Variants in PAPPA2 observed in about 807,000 individuals in gnomAD.
The protein encoded by PAPPA2 is pappalysin-2.
PAPPA2 carries 86 observed loss-of-function variants against 176.4 expected under a neutral mutation model. The observed-to-expected ratio is 0.49, with a 90% CI of 0.41 to 0.58. The LOEUF (loss-of-function observed/expected upper bound fraction) is 0.58. Ranked by LOEUF, PAPPA2 falls within the 20% of genes least tolerant of loss-of-function variation. PAPPA2 has a pLI of 0.00. For missense variants in PAPPA2, 2,073 were observed against 2,256.9 expected (o/e 0.92, Z 1.65); for synonymous variants, 809 against 852.2 (o/e 0.95, Z 0.88).
At position 176,755,733 on chromosome 1, in the gene PAPPA2, T is replaced by G. The variant is rs187977504; in HGVS notation, c.4152-9933T>G. Reference sequence around the variant, plus strand: ...AGTTGACGCTTGAACAGCACATGGATTAGGGGCACTGACCTCTGTACAGTC... The same window carrying G: ...AGTTGACGCTTGAACAGCACATGGAGTAGGGGCACTGACCTCTGTACAGTC... On this transcript the variant is annotated intron_variant, in intron 14 of 22. Transcript: ENST00000367662. Among the ~76,000 whole-genome samples, 4 of 152,186 alleles carry G rather than the reference T, an allele frequency of 2.6e-5. No homozygotes were observed. In the East Asian group the frequency reaches 7.8e-4, roughly 29 times the overall value.
chr1:176,596,828 G>T (rs1408834123), intron 3 of PAPPA2, among the ~76,000 whole-genome samples: 3 of 152,186 alleles, frequency 2.0e-5, no homozygotes, highest in African/African-American at 7.2e-5. Context: ...ACATAATAGA[G>T]GAGGGTAAGA....
At chr1:176,718,455 A>G (rs1297129487) in intron 12 of PAPPA2, among the ~76,000 whole-genome samples, 1 of 151,856 alleles carries the variant, frequency 6.6e-6, no homozygotes, top group African/African-American at 2.4e-5. Flanking sequence ...TTCTTTTTCT[A>G]GTAACTTGAG....
At chr1:176,537,031 T>C (rs1650100494) in intron 1 of PAPPA2, among the ~76,000 whole-genome samples, 1 of 152,224 alleles carries the variant, frequency 6.6e-6, no homozygotes, top group Admixed American at 6.5e-5. Flanking sequence ...ACCTTAGTTA[T>C]TTAATTCCAG....
intron 21 of PAPPA2, among the ~76,000 whole-genome samples, chr1:176,822,449 G>T (rs1317484852): frequency 6.6e-6 from 1 of 152,106 alleles, no homozygotes; most frequent in Non-Finnish European, 1.5e-5. Context: ...TAGTGATTTT[G>T]GCACCTCAAC....
intron 1 of PAPPA2, among the ~76,000 whole-genome samples, chr1:176,525,067 A>G (rs1409790330): frequency 6.6e-6 from 1 of 152,130 alleles, no homozygotes; most frequent in Non-Finnish European, 1.5e-5. Context: ...CAGCCTTAAA[A>G]TTTTAGGAGC....
At chr1:176,718,499 G>A (rs1661472155) in intron 12 of PAPPA2, among the ~76,000 whole-genome samples, 1 of 151,008 alleles carries the variant, frequency 6.6e-6, no homozygotes, top group South Asian at 2.1e-4. Context: ...TGTCCTCTCT[G>A]TTTTTAAATT....
intron 6 of PAPPA2, among the ~76,000 whole-genome samples, chr1:176,693,411 T>G (rs962473090): frequency 6.6e-5 from 10 of 152,200 alleles, no homozygotes; most frequent in Admixed American, 5.2e-4. Flanking sequence ...ATAAGGAACA[T>G]AGAATGGATG....
Position 176,800,121 on chromosome 1 carries a change from C to T in PAPPA2, c.5191C>T (p.Gln1731Ter). The change falls in exon 21 of 23, where the codon CAG becomes TAG. Residue 1731 changes from glutamine to a stop codon, truncating the protein, a stop_gained. Coordinates refer to ENST00000367662, the MANE Select transcript of PAPPA2 (RefSeq NM_020318.3). LOFTEE classifies it high-confidence loss of function. ...HPDPVLVHCI[Q>*]SCEPFQADGW... ...AGACCCCGTCTTAGTCCACTGCATC[C>T]AGTCATGTGAGGTAAGATAGCCTCC... 1 of 1,614,036 alleles carries T rather than the reference C, an allele frequency of 6.2e-7. No homozygotes were observed.
chr1:176,769,740 T>C lies in PAPPA2; in HGVS notation c.4457T>C (p.Leu1486Pro). ...NFSCSEGTKF[L>P]KRCSISCVPP... ...TCCTGCTCAGAGGGAACCAAATTTC[T>C]GAAACGCTGCTCAATCTCTTGTGTC... The change falls in exon 16 of 23, where the codon CTG (leucine) becomes CCG (proline). Residue 1486 changes from leucine (L) to proline (P), a missense_variant. Physicochemically the swap from Leu to Pro is moderately conservative, Grantham distance 98. Coordinates refer to ENST00000367662, the MANE Select transcript of PAPPA2 (RefSeq NM_020318.3). The C allele has an allele frequency of 6.2e-7, 1 of 1,612,972 alleles. No homozygotes were observed. The highest frequency in any genetic ancestry group is 8.5e-7 in the Non-Finnish European group (1 of 1,179,716).
intron 7 of PAPPA2, among the ~76,000 whole-genome samples, chr1:176,696,206 T>G (rs1295909684): frequency 1.3e-5 from 2 of 151,706 alleles, no homozygotes; most frequent in African/African-American, 2.4e-5. Context: ...CTACTGGTCC[T>G]TGGAGTAGCC....
chr1:176,629,906 T>A (rs1404324171), intron 3 of PAPPA2, among the ~76,000 whole-genome samples: 1 of 152,032 alleles, frequency 6.6e-6, no homozygotes, highest in African/African-American at 2.4e-5. Context: ...CTGAAAAATG[T>A]AAGATGTAAG....
chr1:176,580,467 A>G (rs1299793775), intron 2 of PAPPA2, among the ~76,000 whole-genome samples: 3 of 152,232 alleles, frequency 2.0e-5, no homozygotes, highest in Non-Finnish European at 4.4e-5. Flanking sequence ...GCTGCAAAAC[A>G]TACTGATTTC....
At chr1:176,784,745 C>T (rs1557869636) in intron 17 of PAPPA2, among the ~76,000 whole-genome samples, 4 of 152,120 alleles carry the variant, frequency 2.6e-5, no homozygotes, top group African/African-American at 4.8e-5. Flanking sequence ...TGCCACCACA[C>T]CTGGCTAATT....
intron 1 of PAPPA2, among the ~76,000 whole-genome samples, chr1:176,479,978 A>T (rs1354251175): frequency 6.6e-6 from 1 of 152,228 alleles, no homozygotes. Flanking sequence ...ATACACAGGG[A>T]AGTGTCCGAG....
At chr1:176,607,404 C>T (rs568990934) in intron 3 of PAPPA2, among the ~76,000 whole-genome samples, 8 of 152,338 alleles carry the variant, frequency 5.3e-5, no homozygotes, top group Admixed American at 3.3e-4. Flanking sequence ...TCATTCTACT[C>T]TCTACCTTTG....
At chr1:176,822,542 A>G (rs1158639295) in intron 21 of PAPPA2, among the ~76,000 whole-genome samples, 1 of 152,202 alleles carries the variant, frequency 6.6e-6, no homozygotes, top group African/African-American at 2.4e-5. Context: ...AGTCTTTTCA[A>G]GAAATGCCTC....
chr1:176,633,813 A>G (rs1052189464), intron 3 of PAPPA2, among the ~76,000 whole-genome samples: 1 of 152,258 alleles, frequency 6.6e-6, no homozygotes, highest in Non-Finnish European at 1.5e-5. Flanking sequence ...GAAAGAAGAC[A>G]TTTATGCAGC....
intron 19 of PAPPA2, among the ~76,000 whole-genome samples, chr1:176,792,887 G>A (rs1453163958): frequency 6.6e-6 from 1 of 152,092 alleles, no homozygotes; most frequent in African/African-American, 2.4e-5. Flanking sequence ...ACTCTGTGTG[G>A]AAGGGAATAG....
intron 12 of PAPPA2, among the ~76,000 whole-genome samples, chr1:176,717,103 C>T (rs1433249646): frequency 6.6e-6 from 1 of 152,194 alleles, no homozygotes; most frequent in Non-Finnish European, 1.5e-5. Context: ...CTCCACCCTT[C>T]TGCAGCCCCC....
Sources: allele counts gnomAD v4.1 joint callset (sites outside exome capture counted in the v4.1 genomes callset), GRCh38; gene constraint gnomAD v4.1.1; transcripts MANE v1.5; gene names NCBI Gene and HGNC (gene_info 2026-07-23, HGNC 2026-07-21).